The following GRID2 variants were observed in gnomAD, a reference collection of about 807,000 sequenced individuals.
GRID2 encodes the protein glutamate receptor ionotropic, delta-2.
GRID2 carries 33 observed loss-of-function variants against 114.8 expected under a neutral mutation model. The observed-to-expected ratio is 0.29, with a 90% confidence interval of 0.22 to 0.38. GRID2 has a LOEUF of 0.38. Ranked by LOEUF, GRID2 falls within the 10% of genes least tolerant of loss-of-function variation. The pLI is 1.00. For synonymous variants in GRID2, 505 were observed against 449.9 expected (o/e 1.12, Z -1.55); for missense variants, 1,184 against 1,257.7 (o/e 0.94, Z 0.89).
chr4:92,948,098 T>G (rs940367396), intron 2 of GRID2, among the ~76,000 whole-genome samples: 1 of 151,908 alleles, frequency 6.6e-6, no homozygotes, highest in Admixed American at 6.6e-5. Flanking sequence ...TTATGGCTCC[T>G]AATAATTTTT....
intron 13 of GRID2, among the ~76,000 whole-genome samples, chr4:93,515,803 C>T (rs970073723): frequency 5.9e-5 from 9 of 152,056 alleles, no homozygotes; most frequent in Admixed American, 5.2e-4. Flanking sequence ...TGGATTAAAC[C>T]GTCATCTTTA....
In GRID2 at chr4:93,429,582, T is replaced by A. The variant is rs116516026; in HGVS notation, c.1545+6614T>A. ...TTCCACCACCTGGAAATTAAATCTC[T>A]TCATGCTAACTGATTATCAAATGCT... On this transcript the variant is annotated intron_variant, in intron 10 of 15. Coordinates refer to ENST00000282020, the MANE Select transcript of GRID2 (RefSeq NM_001510.4). Among the ~76,000 whole-genome samples the A allele has an allele frequency of 4.4e-3, 664 of 152,282 alleles. 15 individuals are homozygous for A. The highest frequency in any genetic ancestry group is 0.015 in the African/African-American group (630 of 41,564).
At chr4:93,464,834 T>A (rs1724118393) in intron 11 of GRID2, among the ~76,000 whole-genome samples, 1 of 152,204 alleles carries the variant, frequency 6.6e-6, no homozygotes, top group Non-Finnish European at 1.5e-5. Context: ...AGACTCCAAA[T>A]TAACAATCCA....
At chr4:93,062,758 C>T (rs959522164) in intron 2 of GRID2, among the ~76,000 whole-genome samples, 5 of 152,012 alleles carry the variant, frequency 3.3e-5, no homozygotes, top group South Asian at 2.1e-4. Flanking sequence ...TGAAAGGGAA[C>T]GAAGTTGACC....
chr4:92,611,244 T>C (rs1473217066), intron 2 of GRID2, among the ~76,000 whole-genome samples: 1 of 151,406 alleles, frequency 6.6e-6, no homozygotes, highest in East Asian at 1.9e-4. Context: ...TTCTTACAGT[T>C]CTGGAGTCTG....
chr4:93,646,799 C>CTGTT (rs977616649), intron 14 of GRID2, among the ~76,000 whole-genome samples: 1 of 151,944 alleles, frequency 6.6e-6, no homozygotes, highest in Non-Finnish European at 1.5e-5. Flanking sequence ...GGACTGGAAA[C>CTGTT]TGTTTGGATG....
chr4:92,417,223 A>C (rs1333721856), intron 1 of GRID2, among the ~76,000 whole-genome samples: 1 of 152,180 alleles, frequency 6.6e-6, no homozygotes, highest in East Asian at 1.9e-4. Flanking sequence ...ATGCTTCCAT[A>C]AAGAACACAT....
intron 2 of GRID2, among the ~76,000 whole-genome samples, chr4:93,014,202 C>G (rs1180959681): frequency 6.6e-6 from 1 of 151,826 alleles, no homozygotes; most frequent in Non-Finnish European, 1.5e-5. Flanking sequence ...GCTTATAAAC[C>G]AAAGAAATTT....
chr4:92,578,725 T>TATCAACCA (rs80304481), intron 1 of GRID2, among the ~76,000 whole-genome samples: 1 of 149,512 alleles, frequency 6.7e-6, no homozygotes, highest in Non-Finnish European at 1.5e-5. Flanking sequence ...ATTATCTATC[T>TATCAACCA]ATCTATCAAT....
intron 6 of GRID2, among the ~76,000 whole-genome samples, chr4:93,220,246 A>G (rs527886957): frequency 1.3e-5 from 2 of 151,966 alleles, no homozygotes; most frequent in South Asian, 4.1e-4. Flanking sequence ...ATTTATATAT[A>G]TATATATTTT....
intron 8 of GRID2, among the ~76,000 whole-genome samples, chr4:93,262,089 A>C (rs1750316608): frequency 6.6e-6 from 1 of 151,540 alleles, no homozygotes; most frequent in Non-Finnish European, 1.5e-5. Context: ...ATGTATAATA[A>C]AAAATTAGCA....
At chr4:92,400,620 C>T (rs546543973) in intron 1 of GRID2, among the ~76,000 whole-genome samples, 3 of 152,138 alleles carry the variant, frequency 2.0e-5, no homozygotes, top group East Asian at 1.9e-4. Context: ...TTACCTTACA[C>T]CTGGGAGTGA....
At chr4:92,692,200 G>A (rs1289555001) in intron 2 of GRID2, among the ~76,000 whole-genome samples, 5 of 152,092 alleles carry the variant, frequency 3.3e-5, no homozygotes, top group Non-Finnish European at 7.4e-5. Context: ...TTAGACAAAT[G>A]AGTTTCAAGG....
intron 2 of GRID2, among the ~76,000 whole-genome samples, chr4:92,701,674 TA>T (rs950602092): frequency 1.4e-4 from 22 of 152,124 alleles, no homozygotes; most frequent in African/African-American, 5.3e-4. Flanking sequence ...ATATAAAGAA[TA>T]AAAAAAGCCC....
intron 13 of GRID2, among the ~76,000 whole-genome samples, chr4:93,528,780 A>G (rs1462705146): frequency 6.6e-6 from 1 of 152,186 alleles, no homozygotes; most frequent in Non-Finnish European, 1.5e-5. Flanking sequence ...ATAGTTCAAC[A>G]GAACAAAAAC....
chr4:93,180,345 A>G (rs561544263), intron 4 of GRID2, among the ~76,000 whole-genome samples: 16 of 152,262 alleles, frequency 1.1e-4, no homozygotes, highest in African/African-American at 3.8e-4. Context: ...GAAATAATTT[A>G]TTGCTAAAGA....
intron 2 of GRID2, among the ~76,000 whole-genome samples, chr4:92,867,688 T>C (rs1211937906): frequency 1.3e-5 from 2 of 152,148 alleles, no homozygotes; most frequent in African/African-American, 4.8e-5. Flanking sequence ...CAATGGAACC[T>C]TAAAAATTCC....
At position 93,439,177 on chromosome 4, in the gene GRID2, C is replaced by T. The variant is rs146221022; in HGVS notation, c.1545+16209C>T. ...TGTGTCTTTATAGCAGCATGATTTA[C>T]AATCCTTTGGGTATATACCCAGTAA... is the stretch of plus-strand genomic sequence containing the variant. On this transcript the variant is annotated intron_variant, in intron 10 of 15. Transcript: ENST00000282020. Among the ~76,000 whole-genome samples the T allele has an allele frequency of 8.3e-3, 1,256 of 152,162 alleles. 17 individuals carry two copies. The highest frequency in any genetic ancestry group is 0.028 in the African/African-American group (1,182 of 41,538).
chr4:93,261,869 A>C (rs1193721096), intron 8 of GRID2, among the ~76,000 whole-genome samples: 1 of 151,460 alleles, frequency 6.6e-6, no homozygotes, highest in Non-Finnish European at 1.5e-5. Context: ...TTTTCTGTAT[A>C]TATGTATGTA....
Sources: allele counts gnomAD v4.1 joint callset (sites outside exome capture counted in the v4.1 genomes callset), GRCh38; gene constraint gnomAD v4.1.1; transcripts MANE v1.5; gene names NCBI Gene and HGNC (gene_info 2026-07-23, HGNC 2026-07-21).